The following RABGAP1L variants were observed in gnomAD, a reference collection of about 807,000 sequenced individuals.
RABGAP1L encodes rab GTPase-activating protein 1-like.
RABGAP1L carries 63 observed loss-of-function variants against 137.7 expected under a neutral mutation model. That is an observed-to-expected ratio of 0.46 (90% confidence interval 0.37 to 0.56). The LOEUF (loss-of-function observed/expected upper bound fraction) is 0.56. Among genes scored for constraint, RABGAP1L ranks in the 20% least tolerant of loss-of-function variants. The probability of loss-of-function intolerance (pLI) is 0.00; values close to 1 mark genes in which losing one functional copy is unlikely to be tolerated. For synonymous variants in RABGAP1L, 431 were observed against 433.7 expected (o/e 0.99, Z 0.08); for missense variants, 1,095 against 1,244.0 (o/e 0.88, Z 1.80).
intron 19 of RABGAP1L, among the ~76,000 whole-genome samples, chr1:174,951,340 G>T (rs771257116): frequency 2.0e-5 from 3 of 152,170 alleles, no homozygotes; most frequent in Non-Finnish European, 2.9e-5. Context: ...ATGATCTTGG[G>T]CAAGTTACCT....
At chr1:174,589,045 G>C (rs1323303045) in intron 13 of RABGAP1L, among the ~76,000 whole-genome samples, 1 of 152,144 alleles carries the variant, frequency 6.6e-6, no homozygotes, top group Non-Finnish European at 1.5e-5. Flanking sequence ...CATAGTGGTT[G>C]CACTAATTTA....
chr1:174,359,663 A>G (rs10489256), intron 11 of RABGAP1L, among the ~76,000 whole-genome samples: 31,791 of 152,198 alleles, frequency 0.21, 3,666 homozygotes, highest in Admixed American at 0.24. Context: ...TTTACAAAAC[A>G]TGATGGGAAA....
chr1:174,753,906 T>A (rs886300797), intron 18 of RABGAP1L, among the ~76,000 whole-genome samples: 1 of 152,232 alleles, frequency 6.6e-6, no homozygotes, highest in Non-Finnish European at 1.5e-5. Flanking sequence ...TGGTGACTTA[T>A]CTTTACTAGT....
At chr1:174,716,997 G>T (rs1421349161) in intron 17 of RABGAP1L, among the ~76,000 whole-genome samples, 1 of 152,084 alleles carries the variant, frequency 6.6e-6, no homozygotes, top group Non-Finnish European at 1.5e-5. Flanking sequence ...CTCATTGGCA[G>T]GCAAGAATCC....
chr1:174,646,380 A>G (rs1424852408), intron 14 of RABGAP1L, among the ~76,000 whole-genome samples: 2 of 152,018 alleles, frequency 1.3e-5, no homozygotes, highest in East Asian at 3.9e-4. Flanking sequence ...TCTTGAGTTA[A>G]TTTTTGTATA....
intron 13 of RABGAP1L, among the ~76,000 whole-genome samples, chr1:174,609,394 A>C (rs187725075): frequency 6.6e-6 from 1 of 152,302 alleles, no homozygotes; most frequent in African/African-American, 2.4e-5. Context: ...GCTGCATGAG[A>C]GTCAATTAGG....
intron 13 of RABGAP1L, among the ~76,000 whole-genome samples, chr1:174,477,235 A>G (rs1658597015): frequency 6.6e-6 from 1 of 152,236 alleles, no homozygotes; most frequent in Admixed American, 6.5e-5. Flanking sequence ...TTTAAATGGC[A>G]GCCAGACAAC....
At chr1:174,246,893 A>G (rs1187769483) in intron 5 of RABGAP1L, among the ~76,000 whole-genome samples, 1 of 152,216 alleles carries the variant, frequency 6.6e-6, no homozygotes, top group Non-Finnish European at 1.5e-5. Context: ...AGACTCTAGA[A>G]TTCACAATAT....
At chr1:174,565,208 C>T (rs1242107381) in intron 13 of RABGAP1L, among the ~76,000 whole-genome samples, 1 of 152,080 alleles carries the variant, frequency 6.6e-6, no homozygotes, top group Admixed American at 6.6e-5. Flanking sequence ...TGCATGAGAA[C>T]ATAAAAGAGC....
chr1:174,556,840 A>G (rs1348289287), intron 13 of RABGAP1L, among the ~76,000 whole-genome samples: 4 of 152,174 alleles, frequency 2.6e-5, no homozygotes, highest in Non-Finnish European at 5.9e-5. Flanking sequence ...GATTTGTACT[A>G]ATGAGTTAGT....
intron 21 of RABGAP1L, among the ~76,000 whole-genome samples, chr1:174,973,972 G>GTTTTTTTTTTTT (rs1558297301): frequency 1.1e-5 from 1 of 94,232 alleles, no homozygotes. Flanking sequence ...CAGTACAATT[G>GTTTTTTTTTTTT]TTTTTTGTTT....
At chr1:174,692,526 A>G (rs79034826) in intron 15 of RABGAP1L, among the ~76,000 whole-genome samples, 1 of 152,162 alleles carries the variant, frequency 6.6e-6, no homozygotes, top group African/African-American at 2.4e-5. Flanking sequence ...CATAAAAAGC[A>G]TGGGGAGGAG....
intron 7 of RABGAP1L, among the ~76,000 whole-genome samples, chr1:174,262,445 C>T (rs1451154248): frequency 2.0e-5 from 3 of 152,000 alleles, no homozygotes; most frequent in Non-Finnish European, 2.9e-5. Flanking sequence ...TTTTGGAGCT[C>T]ATTAAAAAAA....
At chr1:174,527,860 A>T (rs934133972) in intron 13 of RABGAP1L, among the ~76,000 whole-genome samples, 4 of 143,348 alleles carry the variant, frequency 2.8e-5, no homozygotes, top group African/African-American at 7.9e-5. Flanking sequence ...ATATCCTCTT[A>T]TCCTCCTCCT....
rs565731788 is a variant in RABGAP1L, at chr1:174,854,934, C to T, written c.2340+42974C>T. Reference sequence around the variant, plus strand: ...TGTATTTTTAGTAGAGACAGGGTTTCGCCATGTTGGCCAGGCTGGTCTCGA... The same window carrying T: ...TGTATTTTTAGTAGAGACAGGGTTTTGCCATGTTGGCCAGGCTGGTCTCGA... On this transcript the variant is annotated intron_variant, in intron 19 of 25. Coordinates refer to ENST00000681986, the MANE Select transcript of RABGAP1L (RefSeq NM_001366446.1). Among the ~76,000 whole-genome samples the T allele has an allele frequency of 8.2e-4, 124 of 151,438 alleles. 3 individuals are homozygous for T. In the South Asian group the frequency reaches 0.012, roughly 15 times the overall value.
intron 15 of RABGAP1L, among the ~76,000 whole-genome samples, chr1:174,695,608 A>G (rs768583257): frequency 6.6e-5 from 10 of 152,078 alleles, no homozygotes; most frequent in African/African-American, 9.7e-5. Context: ...GGTCCCTGGT[A>G]CCTTGTTTAG....
intron 19 of RABGAP1L, among the ~76,000 whole-genome samples, chr1:174,933,119 TATACATACATAC>T (rs760968397): frequency 2.0e-5 from 3 of 151,862 alleles, no homozygotes; most frequent in African/African-American, 4.8e-5. Context: ...TACATACATT[TATACATACATAC>T]ATACATACAT....
At chr1:174,368,167 T>G (rs1197506668) in intron 11 of RABGAP1L, 6 of 152,266 alleles carry the variant, frequency 3.9e-5, no homozygotes, top group African/African-American at 1.4e-4. Context: ...GTTGCCAGCA[T>G]AGACCAATTT....
chr1:174,898,303 T>C (rs933014798), intron 19 of RABGAP1L, among the ~76,000 whole-genome samples: 4 of 152,300 alleles, frequency 2.6e-5, no homozygotes, highest in Middle Eastern at 6.8e-3. Flanking sequence ...TGCTGGAAAA[T>C]GGTAAAGTCA....
Sources: gnomAD v4.1 joint callset for allele counts (sites outside exome capture counted in the v4.1 genomes callset) on GRCh38, gnomAD v4.1.1 for gene constraint, MANE v1.5 for transcripts, NCBI Gene and HGNC (gene_info 2026-07-23, HGNC 2026-07-21) for gene names.